SYNE2: variants seen among roughly 807,000 people sequenced by gnomAD.
SYNE2 encodes spectrin repeat containing nuclear envelope protein 2, also known as nesprin-2.
In SYNE2, 431 loss-of-function variants were observed where a neutral mutation model predicts 856.3. The observed-to-expected ratio is 0.50, with a 90% CI of 0.47 to 0.55. The LOEUF is 0.55. SYNE2 is among the 20% of genes least tolerant of loss of function. The probability of loss-of-function intolerance (pLI) is 0.00; values close to 1 mark genes in which losing one functional copy is unlikely to be tolerated. For missense variants in SYNE2, 8,129 were observed against 8,023.2 expected, an observed-to-expected ratio of 1.01 and a Z score of -0.50; for synonymous variants, 2,923 against 2,872.3, an observed-to-expected ratio of 1.02 and a Z score of -0.56.
rs2140526608 is a variant in SYNE2 at position 64,225,744 on chromosome 14, G to C, written c.*218G>C. On this transcript the variant is annotated 3_prime_UTR_variant, in exon 116 of 116. Coordinates refer to ENST00000555002, the MANE Select transcript of SYNE2 (RefSeq NM_182914.3). ...GGAACCTGTGTGGCAGGTGCCCCGG[G>C]TATTTTGGCAGAACTAGTTGATTAG... 3 of 613,848 alleles carry C rather than the reference G, an allele frequency of 4.9e-6. No homozygotes were observed. The East Asian group carries it at 8.3e-5, about 17-fold the overall frequency. 38.0% of individuals were successfully genotyped at this position (613,848 alleles called of 1,614,324 possible).
At position 64,002,974 on chromosome 14, in the gene SYNE2, C is replaced by T. The variant is rs776737742; in HGVS notation, c.4041C>T (p.Ala1347=). Residue 1347 remains alanine (A), a synonymous_variant, in exon 30 of 116, where the codon GCC becomes GCT. Transcript: ENST00000555002. Reference sequence around the variant, plus strand: ...CTGAGCCCGTTACAGACCTTTCAGCCTCAGATACACAGGTGGCACAAGAAA... The same window carrying T: ...CTGAGCCCGTTACAGACCTTTCAGCTTCAGATACACAGGTGGCACAAGAAA... ...LSAEPVTDLS[A]SDTQVAQENT... 1.2e-6 allele frequency: 2 copies of T among 1,614,140 alleles called. No individual in the cohort carries two copies. The highest frequency in any genetic ancestry group is 2.2e-5 in the South Asian group (2 of 91,082).
intron 32 of SYNE2, 86 bp downstream of exon 32, chr14:64,010,202 T>C: frequency 7.0e-7 from 1 of 1,430,940 alleles, no homozygotes; most frequent in African/African-American, 1.4e-5. Context: ...TTAAGTCTTT[T>C]TTGAAACTTC....
chr14:63,961,310 T>G (rs1348142185), intron 8 of SYNE2, among the ~76,000 whole-genome samples: 2 of 152,236 alleles, frequency 1.3e-5, no homozygotes, highest in Non-Finnish European at 2.9e-5. Flanking sequence ...GTGCCAGGAT[T>G]TAACCCAGAT....
chr14:64,056,331 A>G, intron 49 of SYNE2, 65 bp downstream of exon 49: 1 of 1,392,446 alleles, frequency 7.2e-7, no homozygotes, highest in Non-Finnish European at 9.9e-7. Context: ...TAATTAAACT[A>G]TATTTTAATA....
At chr14:63,824,790 T>C (rs539523981) in intron 1 of SYNE2, among the ~76,000 whole-genome samples, 22 of 152,208 alleles carry the variant, frequency 1.4e-4, no homozygotes, top group South Asian at 6.2e-4. Context: ...GCCGTAAATA[T>C]ACACACCCAC....
intron 89 of SYNE2, 65 bp from the exon 90 acceptor site, chr14:64,165,220 C>G (rs943664122): frequency 6.4e-7 from 1 of 1,555,984 alleles, no homozygotes; most frequent in Admixed American, 1.7e-5. Context: ...GCTCCCAAGC[C>G]TGTGTTTAAT....
At chr14:64,033,922 T>G (rs1346713382) in intron 45 of SYNE2, among the ~76,000 whole-genome samples, 2 of 152,222 alleles carry the variant, frequency 1.3e-5, no homozygotes, top group Non-Finnish European at 2.9e-5. Flanking sequence ...CTTTATTCTT[T>G]TGTAACATGG....
intron 1 of SYNE2, among the ~76,000 whole-genome samples, chr14:63,803,967 A>G (rs1888260711): frequency 6.6e-6 from 1 of 152,152 alleles, no homozygotes; most frequent in Non-Finnish European, 1.5e-5. Flanking sequence ...TCACAAGATC[A>G]AGTTGTTTGA....
At chr14:64,145,935 A>C in intron 83 of SYNE2, 133 bp from the exon 84 acceptor site, 2 of 584,420 alleles carry the variant, frequency 3.4e-6, no homozygotes, top group Non-Finnish European at 5.7e-6. Context: ...TTCAAAAGTT[A>C]TCAGAGCATC....
At chr14:63,917,371 A>G (rs1436029921) in intron 2 of SYNE2, among the ~76,000 whole-genome samples, 8 of 152,244 alleles carry the variant, frequency 5.3e-5, no homozygotes, top group South Asian at 2.1e-4. Flanking sequence ...ATAACAATAC[A>G]AAAGCTTCTA....
chr14:63,973,856 T>C (rs2096503659), intron 11 of SYNE2, among the ~76,000 whole-genome samples: 1 of 152,212 alleles, frequency 6.6e-6, no homozygotes. Flanking sequence ...TATTTGCTTT[T>C]GCATATGATG....
intron 114 of SYNE2, 69 bp from the exon 115 acceptor site, chr14:64,224,926 ATTTT>A (rs35455974): frequency 7.0e-6 from 9 of 1,276,908 alleles, no homozygotes; most frequent in African/African-American, 1.5e-5. Context: ...TTAAGGGAGG[ATTTT>A]TTTTTTTTTT....
rs1276892158 is a variant in SYNE2 at position 64,220,544 on chromosome 14, T to C, written c.19968T>C (p.Ser6656=). Residue 6656 remains serine, a synonymous_variant, in exon 111 of 116, where the codon AGT becomes AGC. Transcript: ENST00000555002. The part of the protein sequence containing the change: ...TESPESTELQ[S]RLRQLSLLWE... Reference sequence around the variant, plus strand: ...GCCCCGAATCCACAGAGCTCCAAAGTAGACTCCGCCAGCTGAGCCTGCTCT... The same window carrying C: ...GCCCCGAATCCACAGAGCTCCAAAGCAGACTCCGCCAGCTGAGCCTGCTCT... 1.4e-5 allele frequency: 22 copies of C among 1,613,852 alleles called. No homozygotes were observed. Among genetic ancestry groups the C allele is most frequent in the Non-Finnish European group, 1.9e-5 (22 of 1,180,004 alleles).
At chr14:63,911,630 G>C (rs536752528) in intron 2 of SYNE2, among the ~76,000 whole-genome samples, 1 of 152,144 alleles carries the variant, frequency 6.6e-6, no homozygotes, top group Non-Finnish European at 1.5e-5. Flanking sequence ...GTTTTGACTA[G>C]GACAGTTTTC....
chr14:63,950,452 G>A (rs570704220), intron 7 of SYNE2, among the ~76,000 whole-genome samples: 1 of 152,254 alleles, frequency 6.6e-6, no homozygotes, highest in South Asian at 2.1e-4. Flanking sequence ...CTACTTGGGA[G>A]GCTGAGGCAG....
At chr14:64,110,911 A>G (rs2097801168) in intron 65 of SYNE2, among the ~76,000 whole-genome samples, 1 of 152,102 alleles carries the variant, frequency 6.6e-6, no homozygotes, top group Non-Finnish European at 1.5e-5. Flanking sequence ...TTGAAGCTGT[A>G]TGGTTGGAAA....
chr14:63,899,146 A>C (rs1352356346), intron 1 of SYNE2, among the ~76,000 whole-genome samples: 1 of 151,968 alleles, frequency 6.6e-6, no homozygotes, highest in Non-Finnish European at 1.5e-5. Flanking sequence ...TTTTCTGATT[A>C]TGTGTTGATT....
At chr14:64,069,752 C>T (rs2097389467) in intron 51 of SYNE2, among the ~76,000 whole-genome samples, 1 of 152,158 alleles carries the variant, frequency 6.6e-6, no homozygotes, top group African/African-American at 2.4e-5. Context: ...TACTGGGGCT[C>T]CTGAATTTTC....
intron 2 of SYNE2, among the ~76,000 whole-genome samples, chr14:63,913,837 T>TTTTTTAAATTTAACTTAATTTTAAA (rs2095503357): frequency 6.9e-6 from 1 of 145,722 alleles, no homozygotes; most frequent in Non-Finnish European, 1.5e-5. Flanking sequence ...CTGTTTAAAA[T>TTTTTTAAATTTAACTTAATTTTAAA]TTTTTAAATT....
Sources: allele counts gnomAD v4.1 joint callset (sites outside exome capture counted in the v4.1 genomes callset), GRCh38; gene constraint gnomAD v4.1.1; transcripts MANE v1.5; gene names NCBI Gene and HGNC (gene_info 2026-07-23, HGNC 2026-07-21).